Variants in ARRB1 observed in about 807,000 individuals in gnomAD.
ARRB1 encodes beta-arrestin-1.
In ARRB1, 21 loss-of-function variants were observed where a neutral mutation model predicts 56.8. The ratio of observed to expected loss-of-function variants is 0.37; its 90% CI spans 0.26 to 0.53. The LOEUF (loss-of-function observed/expected upper bound fraction) is 0.53. Among genes scored for constraint, ARRB1 ranks in the 20% least tolerant of loss-of-function variants. The pLI is 0.88. For missense variants in ARRB1, 424 were observed against 553.7 expected, an observed-to-expected ratio of 0.77 and a Z score of 2.35; for synonymous variants, 210 against 218.6, an observed-to-expected ratio of 0.96 and a Z score of 0.35.
At chr11:75,335,634 G>A (rs1193393721) in intron 1 of ARRB1, among the ~76,000 whole-genome samples, 1 of 151,410 alleles carries the variant, frequency 6.6e-6, no homozygotes, top group East Asian at 1.9e-4. Context: ...GGACCTGCCT[G>A]CGGAGGTCTG....
At chr11:75,302,999 C>CATTATTATT (rs61237959) in intron 1 of ARRB1, among the ~76,000 whole-genome samples, 9 of 150,038 alleles carry the variant, frequency 6.0e-5, no homozygotes, top group Non-Finnish European at 8.9e-5. Context: ...TTATTATTAT[C>CATTATTATT]ATTATTATTA....
chr11:75,276,873 G>A lies in ARRB1; in HGVS notation c.742C>T (p.Gln248Ter). The A allele has an allele frequency of 6.2e-7, 1 of 1,614,206 alleles. No homozygotes were observed. The highest frequency in any genetic ancestry group is 8.5e-7 in the Non-Finnish European group (1 of 1,180,020). Residue 248 changes from glutamine (Q) to a stop codon, truncating the protein, a stop_gained, in exon 10 of 16, where the codon CAG (glutamine) becomes TAG (stop). Transcript: ENST00000420843. LOFTEE classifies it high-confidence loss of function. ...YADICLFNTA[Q>*]YKCPVAMEEA... ...TCCATGGCAACAGGGCACTTGTACT[G>A]AGCTGTGTTGAAAAGGCAGATGTCT...
intron 7 of ARRB1, among the ~76,000 whole-genome samples, chr11:75,280,583 T>A (rs1365228385): frequency 2.0e-5 from 3 of 152,190 alleles, no homozygotes; most frequent in Non-Finnish European, 4.4e-5. Flanking sequence ...TCCCATCTCT[T>A]AGATGTGGGC....
At chr11:75,291,979 C>A (rs35969092) in intron 1 of ARRB1, among the ~76,000 whole-genome samples, 2 of 152,148 alleles carry the variant, frequency 1.3e-5, no homozygotes, top group Non-Finnish European at 2.9e-5. Flanking sequence ...GGTGGCTCTG[C>A]GCTGCATTGA....
chr11:75,323,088 G>A (rs537734954), intron 1 of ARRB1, among the ~76,000 whole-genome samples: 1 of 152,320 alleles, frequency 6.6e-6, no homozygotes, highest in Admixed American at 6.5e-5. Context: ...AAACTGGACA[G>A]ATTCAGAGAT....
chr11:75,344,941 G>A (rs1175807537), intron 1 of ARRB1, among the ~76,000 whole-genome samples: 1 of 152,198 alleles, frequency 6.6e-6, no homozygotes, highest in Non-Finnish European at 1.5e-5. Context: ...TACACGGGCT[G>A]TTGAACCACT....
chr11:75,331,850 ACT>A (rs1947526511), intron 1 of ARRB1, among the ~76,000 whole-genome samples: 2 of 151,716 alleles, frequency 1.3e-5, no homozygotes, highest in South Asian at 4.2e-4. Flanking sequence ...TTCCAGTCTG[ACT>A]CTGGCATAAC....
At position 75,263,862 on chromosome 11, in the gene ARRB1, C is replaced by T. The variant is rs1050605653; in HGVS notation, c.*2301G>A. On this transcript the variant is annotated 3_prime_UTR_variant, in exon 16 of 16. Transcript: ENST00000420843. Reference sequence around the variant, plus strand: ...TTGAGGTGCAGGAGGCTCGGGAAACCAGCCTGACAAACGTTTTCCATGCAT... The same window carrying T: ...TTGAGGTGCAGGAGGCTCGGGAAACTAGCCTGACAAACGTTTTCCATGCAT... Among the ~76,000 whole-genome samples the T allele has an allele frequency of 6.6e-6, 1 of 152,128 alleles. No homozygotes were observed. The highest frequency in any genetic ancestry group is 2.4e-5 in the African/African-American group (1 of 41,428).
At chr11:75,285,542 T>G (rs1310203246) in intron 3 of ARRB1, among the ~76,000 whole-genome samples, 1 of 152,188 alleles carries the variant, frequency 6.6e-6, no homozygotes, top group Non-Finnish European at 1.5e-5. Flanking sequence ...GGCAGGCCAG[T>G]GGGCTTGGAC....
chr11:75,293,301 G>A (rs1312532221), intron 1 of ARRB1, among the ~76,000 whole-genome samples: 1 of 152,136 alleles, frequency 6.6e-6, no homozygotes, highest in Admixed American at 6.5e-5. Context: ...CAGAGATGAG[G>A]AAATTGAGTC....
intron 3 of ARRB1, among the ~76,000 whole-genome samples, chr11:75,285,740 A>T (rs1946454881): frequency 3.3e-5 from 5 of 152,210 alleles, no homozygotes; most frequent in Admixed American, 3.3e-4. Context: ...TGCTCTGTGA[A>T]CACCTGCTGA....
intron 6 of ARRB1, 80 bp from the exon 7 acceptor site, chr11:75,281,222 C>T: frequency 7.4e-7 from 1 of 1,346,588 alleles, no homozygotes; most frequent in South Asian, 1.3e-5. Flanking sequence ...TCTCATTTTA[C>T]AAACGAGGAC....
At chr11:75,313,777 C>T (rs1947213144) in intron 1 of ARRB1, among the ~76,000 whole-genome samples, 1 of 152,232 alleles carries the variant, frequency 6.6e-6, no homozygotes, top group South Asian at 2.1e-4. Context: ...AAAATTGGTC[C>T]CCCGGGTTAG....
intron 1 of ARRB1, among the ~76,000 whole-genome samples, chr11:75,310,844 T>C (rs1420976446): frequency 1.3e-5 from 2 of 152,228 alleles, no homozygotes; most frequent in Non-Finnish European, 2.9e-5. Context: ...TGGACTGACA[T>C]GTGGCAACTT....
intron 1 of ARRB1, among the ~76,000 whole-genome samples, chr11:75,303,431 G>A (rs762459819): frequency 4.6e-5 from 7 of 152,050 alleles, no homozygotes; most frequent in African/African-American, 9.7e-5. Flanking sequence ...CAGTCCCAGC[G>A]TCACCTCACC....
chr11:75,304,658 T>A (rs1458433540), intron 1 of ARRB1, among the ~76,000 whole-genome samples: 2 of 151,760 alleles, frequency 1.3e-5, no homozygotes, highest in Middle Eastern at 3.4e-3. Flanking sequence ...GGGGAAGAGG[T>A]GCTACTAACA....
At chr11:75,309,624 T>C (rs1216845526) in intron 1 of ARRB1, among the ~76,000 whole-genome samples, 1 of 151,980 alleles carries the variant, frequency 6.6e-6, no homozygotes, top group Non-Finnish European at 1.5e-5. Context: ...TCACTGGGGG[T>C]CACATTACCT....
In ARRB1 at chr11:75,314,000, G is replaced by C. The variant is rs965493686; in HGVS notation, c.21-23961C>G. ...TAAAAACTCTTAACCGCTCCCAAGA[G>C]CTCTTCACAATCTGGCCTCTGTCCA... On this transcript the variant is annotated intron_variant, in intron 1 of 15. Transcript: ENST00000420843. Among the ~76,000 whole-genome samples the C allele has an allele frequency of 1.8e-4, 28 of 152,180 alleles. 1 individual carries two copies. Among genetic ancestry groups the C allele is most frequent in the African/African-American group, 6.5e-4 (27 of 41,442 alleles).
chr11:75,269,076 T>A, intron 13 of ARRB1, 117 bp from the exon 14 acceptor site: 1 of 1,122,330 alleles, frequency 8.9e-7, no homozygotes, highest in Admixed American at 1.9e-5. Flanking sequence ...AGGAGGTAGA[T>A]CCAAAAGATG....
Sources: allele counts gnomAD v4.1 joint callset (sites outside exome capture counted in the v4.1 genomes callset), GRCh38; gene constraint gnomAD v4.1.1; transcripts MANE v1.5; gene names NCBI Gene and HGNC (gene_info 2026-07-23, HGNC 2026-07-21).